The following TRAPPC9 variants were observed in gnomAD, a reference collection of about 807,000 sequenced individuals.
The protein encoded by TRAPPC9 is IKK2 binding protein.
In TRAPPC9, 83 loss-of-function variants were observed where a neutral mutation model predicts 124.0. The observed-to-expected ratio is 0.67, with a 90% CI of 0.56 to 0.80. The LOEUF (loss-of-function observed/expected upper bound fraction) is 0.80. Ranked by LOEUF, TRAPPC9 falls within the 30% of genes least tolerant of loss-of-function variation. TRAPPC9 has a pLI of 0.00. For synonymous variants in TRAPPC9, 638 were observed against 617.5 expected (o/e 1.03, Z -0.49); for missense variants, 1,302 against 1,508.3 (o/e 0.86, Z 2.27).
Position 140,252,952 on chromosome 8 carries a change from G to GTAATAATAACAATAACA in TRAPPC9, c.2279-24_2279-23insTGTTATTGTTATTATTA. The GTAATAATAACAATAACA allele has an allele frequency of 6.2e-7, 1 of 1,612,574 alleles. No homozygotes were observed. The highest frequency in any genetic ancestry group is 8.5e-7 in the Non-Finnish European group (1 of 1,179,480). ...TTTCTGTAATAATAACAATGACAGT[G>GTAATAATAACAATAACA]ATGAGGATGCTGTAACTGAGGCAGT... On this transcript the variant is annotated intron_variant, in intron 15 of 22. Transcript: ENST00000438773. The surrounding 1 kb of genome is among the most constrained non-coding windows in gnomAD (Gnocchi z 4.2).
chr8:140,072,505 G>C (rs918025498), intron 17 of TRAPPC9, among the ~76,000 whole-genome samples: 135 of 147,596 alleles, frequency 9.1e-4, no homozygotes, highest in Non-Finnish European at 1.7e-3. Context: ...GCGACAGAGC[G>C]AGACTCCGTC....
chr8:139,897,668 C>T (rs1172256587), intron 20 of TRAPPC9, among the ~76,000 whole-genome samples: 2 of 152,222 alleles, frequency 1.3e-5, no homozygotes, highest in African/African-American at 4.8e-5. Flanking sequence ...AGGTAACGCT[C>T]CCAAAGCCAC....
At chr8:140,165,021 C>G (rs1237124264) in intron 17 of TRAPPC9, among the ~76,000 whole-genome samples, 1 of 152,164 alleles carries the variant, frequency 6.6e-6, no homozygotes, top group Admixed American at 6.5e-5. Context: ...TTACTATGCA[C>G]TAGGAAATGT....
At chr8:140,362,255 A>G (rs1201942292) in intron 8 of TRAPPC9, among the ~76,000 whole-genome samples, 1 of 152,198 alleles carries the variant, frequency 6.6e-6, no homozygotes, top group African/African-American at 2.4e-5. Flanking sequence ...GTGGATCAAG[A>G]CGTAAGGCTG....
At chr8:140,126,618 A>G (rs1295611007) in intron 17 of TRAPPC9, among the ~76,000 whole-genome samples, 2 of 152,252 alleles carry the variant, frequency 1.3e-5, no homozygotes, top group African/African-American at 2.4e-5. Flanking sequence ...GCAGCTTTCT[A>G]ATTTGAATTA....
intron 17 of TRAPPC9, among the ~76,000 whole-genome samples, chr8:140,141,351 G>T (rs965489264): frequency 2.0e-5 from 3 of 152,092 alleles, no homozygotes; most frequent in African/African-American, 7.2e-5. Context: ...CTTATCTGGC[G>T]CATCCACACT....
At chr8:140,113,893 C>G (rs1045622709) in intron 17 of TRAPPC9, among the ~76,000 whole-genome samples, 2 of 152,194 alleles carry the variant, frequency 1.3e-5, no homozygotes, top group Non-Finnish European at 2.9e-5. Context: ...CTGACACAAT[C>G]AAAGCCTGTG....
chr8:139,783,467 T>C (rs967745296), intron 21 of TRAPPC9, among the ~76,000 whole-genome samples: 5 of 152,172 alleles, frequency 3.3e-5, no homozygotes, highest in Non-Finnish European at 1.5e-5. Flanking sequence ...ACTACCAAAG[T>C]TCACTAAAGA....
rs183661330 is a variant in TRAPPC9 at position 139,928,888 on chromosome 8, G to A, written c.2811-18588C>T. ...GAGGAAGAATGCATCACAGCCCGTT[G>A]ATTCTCCACAGTCCCTTGCATCACA... On this transcript the variant is annotated intron_variant, in intron 19 of 22. Coordinates refer to ENST00000438773, the MANE Select transcript of TRAPPC9 (RefSeq NM_001160372.4). 1.1e-4 allele frequency among the ~76,000 whole-genome samples: 17 copies of A among 151,846 alleles called. No individual in the cohort carries two copies. In the East Asian group the frequency reaches 3.3e-3, roughly 30 times the overall value.
intron 17 of TRAPPC9, among the ~76,000 whole-genome samples, chr8:140,088,699 C>CT (rs1224096505): frequency 6.6e-6 from 1 of 152,206 alleles, no homozygotes. Flanking sequence ...TTTTCACAAT[C>CT]TTTTTTCTTC....
intron 5 of TRAPPC9, among the ~76,000 whole-genome samples, chr8:140,415,477 C>T (rs1207426756): frequency 6.6e-6 from 1 of 150,764 alleles, no homozygotes; most frequent in Non-Finnish European, 1.5e-5. Context: ...ATAGCTTGAA[C>T]CCAGGAGGTG....
chr8:140,184,323 A>G (rs997962630), intron 17 of TRAPPC9, among the ~76,000 whole-genome samples: 4 of 152,262 alleles, frequency 2.6e-5, no homozygotes, highest in African/African-American at 9.6e-5. Context: ...GAATTGGAAG[A>G]AAGTTCACCA....
chr8:139,980,503 G>C (rs1040803338), intron 19 of TRAPPC9, among the ~76,000 whole-genome samples: 12 of 152,192 alleles, frequency 7.9e-5, no homozygotes, highest in African/African-American at 2.9e-4. Flanking sequence ...GATCTGGAGG[G>C]GGACAGCTTT....
At chr8:140,402,119 C>T (rs906561107) in intron 6 of TRAPPC9, among the ~76,000 whole-genome samples, 2 of 151,964 alleles carry the variant, frequency 1.3e-5, no homozygotes, top group Non-Finnish European at 2.9e-5. Context: ...GTAATCGCAG[C>T]GTCTCAGGAG....
At chr8:140,127,786 G>A (rs112983237) in intron 17 of TRAPPC9, among the ~76,000 whole-genome samples, 22 of 152,276 alleles carry the variant, frequency 1.4e-4, no homozygotes, top group African/African-American at 5.1e-4. Flanking sequence ...ACTAGCATGA[G>A]ACTAAAACCA....
intron 9 of TRAPPC9, among the ~76,000 whole-genome samples, chr8:140,335,754 TGGAG>T (rs1273926054): frequency 3.5e-5 from 5 of 144,756 alleles, no homozygotes; most frequent in African/African-American, 5.2e-5. Flanking sequence ...TCACCCAGGC[TGGAG>T]TGCAGTGGCG....
chr8:139,746,210 G>A (rs1313651216), intron 21 of TRAPPC9, among the ~76,000 whole-genome samples: 2 of 152,226 alleles, frequency 1.3e-5, no homozygotes, highest in African/African-American at 4.8e-5. Context: ...GCTCTCTCAT[G>A]GAATACTCGA....
At chr8:139,975,180 C>G (rs1326288597) in intron 19 of TRAPPC9, among the ~76,000 whole-genome samples, 1 of 152,152 alleles carries the variant, frequency 6.6e-6, no homozygotes, top group Admixed American at 6.5e-5. Context: ...GACTTTCCAC[C>G]AAACTGCATG....
chr8:140,405,117 T>C (rs2069446804), intron 6 of TRAPPC9, among the ~76,000 whole-genome samples: 1 of 152,176 alleles, frequency 6.6e-6, no homozygotes, highest in South Asian at 2.1e-4. Flanking sequence ...TGCAAAATTG[T>C]TTTCAATCCA....
Sources: allele counts gnomAD v4.1 joint callset (sites outside exome capture counted in the v4.1 genomes callset), GRCh38; gene constraint gnomAD v4.1.1; non-coding constraint Gnocchi (gnomAD v3.1); transcripts MANE v1.5; gene names NCBI Gene and HGNC (gene_info 2026-07-23, HGNC 2026-07-21).